MAP4K3: variants seen among roughly 807,000 people sequenced by gnomAD.
MAP4K3 encodes MAPK/ERK kinase kinase kinase 3.
A neutral mutation model predicts 143.5 loss-of-function variants in MAP4K3; 94 were observed. That is an observed-to-expected ratio of 0.65 (90% CI 0.55 to 0.78). MAP4K3 has a LOEUF of 0.78. Ranked by LOEUF, MAP4K3 falls within the 30% of genes least tolerant of loss-of-function variation. The probability of loss-of-function intolerance (pLI) is 0.00; values close to 1 mark genes in which losing one functional copy is unlikely to be tolerated. For missense variants in MAP4K3, 1,077 were observed against 1,068.1 expected (o/e 1.01, Z -0.12); for synonymous variants, 416 against 347.2 (o/e 1.20, Z -2.20).
intron 12 of MAP4K3, among the ~76,000 whole-genome samples, chr2:39,317,348 A>G (rs971762577): frequency 1.3e-5 from 2 of 152,180 alleles, no homozygotes; most frequent in African/African-American, 4.8e-5. Context: ...AGACATAGAC[A>G]TAAGCAAAGA....
Position 39,285,289 on chromosome 2 carries a change from A to C in MAP4K3, c.1587+1563T>G, listed in dbSNP as rs577683339. 3.3e-5 allele frequency among the ~76,000 whole-genome samples: 5 copies of C among 152,354 alleles called. No individual in the cohort carries two copies. In the South Asian group the frequency reaches 1.0e-3, roughly 32 times the overall value. ...GGACATATTTATTTCAGAATTACTG[A>C]AACAGTTCCTTATCTTAATGAAGTA... On this transcript the variant is annotated intron_variant, in intron 21 of 33. Coordinates refer to ENST00000263881, the MANE Select transcript of MAP4K3 (RefSeq NM_003618.4).
intron 24 of MAP4K3, among the ~76,000 whole-genome samples, chr2:39,277,161 T>A (rs905830771): frequency 1.3e-5 from 2 of 152,238 alleles, no homozygotes; most frequent in African/African-American, 2.4e-5. Flanking sequence ...GTCTGTTCCA[T>A]CAGCATAGTA....
At chr2:39,423,212 A>G (rs1664945870) in intron 1 of MAP4K3, among the ~76,000 whole-genome samples, 1 of 152,230 alleles carries the variant, frequency 6.6e-6, no homozygotes, top group Admixed American at 6.5e-5. Flanking sequence ...AATTAAAACA[A>G]TGCGGTAGCA....
intron 12 of MAP4K3, 99 bp from the exon 13 acceptor site, chr2:39,315,487 T>TA: frequency 1.2e-6 from 1 of 831,046 alleles, no homozygotes; most frequent in Non-Finnish European, 1.8e-6. Flanking sequence ...TCATTTTAAG[T>TA]AAAAATGAAA....
At chr2:39,277,458 T>C (rs1681315658) in intron 24 of MAP4K3, among the ~76,000 whole-genome samples, 1 of 152,244 alleles carries the variant, frequency 6.6e-6, no homozygotes, top group South Asian at 2.1e-4. Flanking sequence ...CTGAGTGCTG[T>C]AGTTACTGGT....
intron 3 of MAP4K3, among the ~76,000 whole-genome samples, chr2:39,349,616 T>C (rs983012217): frequency 3.3e-5 from 5 of 151,566 alleles, no homozygotes; most frequent in Admixed American, 2.0e-4. Flanking sequence ...GAGAAGGCGG[T>C]TGGAGAGACA....
rs750334429 is a variant in MAP4K3, at chr2:39,260,783, G to C, written c.2137-6C>G. On this transcript the variant is annotated splice_region_variant and splice_polypyrimidine_tract_variant and intron_variant, in intron 28 of 33. Transcript: ENST00000263881. ...GGTATAGGAAAATCTATGTGCTAGA[G>C]AAAGAAACAAAAATACATTAAACCA... 6.3e-7 allele frequency: 1 copy of C among 1,592,884 alleles called. No homozygotes were observed. The highest frequency in any genetic ancestry group is 8.6e-7 in the Non-Finnish European group (1 of 1,166,516).
chr2:39,388,877 C>G (rs926282048), intron 1 of MAP4K3, among the ~76,000 whole-genome samples: 36 of 152,084 alleles, frequency 2.4e-4, no homozygotes, highest in African/African-American at 8.7e-4. Flanking sequence ...AACCCATACT[C>G]CAGGAAATTA....
intron 4 of MAP4K3, among the ~76,000 whole-genome samples, chr2:39,339,696 G>A (rs1665087082): frequency 6.6e-6 from 1 of 152,110 alleles, no homozygotes. Flanking sequence ...GCTGTCATAG[G>A]GATGGAGGAA....
Position 39,315,292 on chromosome 2 carries a change from T to G in MAP4K3, c.997+18A>C. The stretch of plus-strand genomic sequence containing the variant: ...TTTTCTATCATTAAATCATAAACTG[T>G]GTATAGTATATACTTACAGGTTATC... On this transcript the variant is annotated intron_variant, in intron 13 of 33. Coordinates refer to ENST00000263881, the MANE Select transcript of MAP4K3 (RefSeq NM_003618.4). 6.7e-7 allele frequency: 1 copy of G among 1,483,350 alleles called. No homozygotes were observed. The highest frequency in any genetic ancestry group is 2.3e-5 in the East Asian group (1 of 44,114). 91.9% of individuals were successfully genotyped at this position (1,483,350 alleles called of 1,614,324 possible).
At chr2:39,336,285 C>G (rs1397420457) in intron 6 of MAP4K3, among the ~76,000 whole-genome samples, 1 of 151,652 alleles carries the variant, frequency 6.6e-6, no homozygotes, top group Non-Finnish European at 1.5e-5. Context: ...CCAGCCTGGC[C>G]AACATGATGA....
chr2:39,332,671 C>G (rs1043436164), intron 7 of MAP4K3, among the ~76,000 whole-genome samples: 2 of 151,910 alleles, frequency 1.3e-5, no homozygotes, highest in African/African-American at 4.8e-5. Flanking sequence ...AAATATTAAA[C>G]TGCTGATAAA....
intron 14 of MAP4K3, among the ~76,000 whole-genome samples, chr2:39,308,693 G>C (rs1410315934): frequency 6.6e-6 from 1 of 151,986 alleles, no homozygotes; most frequent in Non-Finnish European, 1.5e-5. Context: ...TAGATGCAAA[G>C]TATTTTGCTT....
chr2:39,393,505 T>C (rs955080165), intron 1 of MAP4K3, among the ~76,000 whole-genome samples: 6 of 152,244 alleles, frequency 3.9e-5, no homozygotes, highest in Admixed American at 3.9e-4. Flanking sequence ...AAGCTATGTA[T>C]AGCAAACTTC....
At chr2:39,283,105 C>T (rs1184312813) in intron 21 of MAP4K3, among the ~76,000 whole-genome samples, 3 of 152,188 alleles carry the variant, frequency 2.0e-5, no homozygotes, top group African/African-American at 7.2e-5. Context: ...TACCTACTTA[C>T]ACAGTGTATG....
intron 1 of MAP4K3, among the ~76,000 whole-genome samples, chr2:39,433,576 T>A (rs983876693): frequency 6.6e-6 from 1 of 152,236 alleles, no homozygotes; most frequent in African/African-American, 2.4e-5. Context: ...TTTTTTCATT[T>A]TTTTGGATCA....
At chr2:39,362,937 T>G (rs564084394) in intron 2 of MAP4K3, among the ~76,000 whole-genome samples, 402 of 152,304 alleles carry the variant, frequency 2.6e-3, no homozygotes, top group Non-Finnish European at 4.4e-3. Context: ...GCCAAGACTA[T>G]GCAATGGGAT....
At chr2:39,351,602 C>A (rs1470329630) in intron 3 of MAP4K3, among the ~76,000 whole-genome samples, 1 of 152,160 alleles carries the variant, frequency 6.6e-6, no homozygotes, top group Non-Finnish European at 1.5e-5. Flanking sequence ...TGGTGATTTA[C>A]TTATTTAAGT....
At chr2:39,347,170 G>A (rs1245254628) in intron 3 of MAP4K3, among the ~76,000 whole-genome samples, 1 of 152,076 alleles carries the variant, frequency 6.6e-6, no homozygotes, top group Non-Finnish European at 1.5e-5. Flanking sequence ...GACAGCTACT[G>A]GAATACGAGC....
Sources: gnomAD v4.1 joint callset for allele counts (sites outside exome capture counted in the v4.1 genomes callset) on GRCh38, gnomAD v4.1.1 for gene constraint, MANE v1.5 for transcripts, NCBI Gene and HGNC (gene_info 2026-07-23, HGNC 2026-07-21) for gene names.